Variants in TSC22D2 observed in about 807,000 individuals in gnomAD.
The protein encoded by TSC22D2 is TSC22 domain family member 2, also known as TSC22 domain family protein 2.
In TSC22D2, 5 loss-of-function variants were observed where a neutral mutation model predicts 50.1. The observed-to-expected ratio is 0.10, with a 90% CI of 0.05 to 0.21. The LOEUF (loss-of-function observed/expected upper bound fraction) is 0.21, where lower values mean the gene tolerates loss of function less well. Ranked by LOEUF, TSC22D2 falls within the 10% of genes least tolerant of loss-of-function variation. TSC22D2 has a pLI of 1.00. For missense variants in TSC22D2, 1,003 were observed against 1,015.5 expected (o/e 0.99, Z 0.17); for synonymous variants, 501 against 450.1 (o/e 1.11, Z -1.43).
In TSC22D2 at chr3:150,410,852, C is replaced by G. The variant is rs1419497261; in HGVS notation, c.1502C>G (p.Ala501Gly). Reference sequence around the variant, plus strand: ...TCAGCCGTACCTGGTGGCCCTCACGCCGTGGTGCCCGGAGTTCCAAACGTG... The same window carrying G: ...TCAGCCGTACCTGGTGGCCCTCACGGCGTGGTGCCCGGAGTTCCAAACGTG... The part of the protein sequence containing the change: ...PLSAVPGGPH[A>G]VVPGVPNVPA... The change falls in exon 1 of 3, where the codon GCC becomes GGC. Residue 501 changes from alanine to glycine, a missense_variant. Ala to Gly is a moderately conservative substitution (Grantham distance 60, BLOSUM62 0). Transcript: ENST00000688009. 1.2e-6 allele frequency: 2 copies of G among 1,613,760 alleles called. No homozygotes were observed. The highest frequency in any genetic ancestry group is 2.7e-5 in the African/African-American group (2 of 74,918).
chr3:150,453,139 A>G (rs1317106868), intron 1 of TSC22D2, among the ~76,000 whole-genome samples: 1 of 152,192 alleles, frequency 6.6e-6, no homozygotes, highest in African/African-American at 2.4e-5. Context: ...GGGTATATAT[A>G]CTTTGTGCTG....
chr3:150,436,367 A>G lies in TSC22D2; in HGVS notation c.1959-20709A>G, dbSNP rs563388515. ...TGGCAGGCCCTTTAACAAAGGGTCA[A>G]GCAGTCGGCCCTTTAACAAAAGGTC... On this transcript the variant is annotated intron_variant, in intron 1 of 2. Coordinates refer to ENST00000688009, the MANE Select transcript of TSC22D2 (RefSeq NM_001303264.2). 4.9e-4 allele frequency among the ~76,000 whole-genome samples: 75 copies of G among 152,058 alleles called. 1 individual carries two copies. Among genetic ancestry groups the G allele is most frequent in the Non-Finnish European group, 2.4e-4 (16 of 67,998 alleles).
intron 1 of TSC22D2, among the ~76,000 whole-genome samples, chr3:150,415,347 A>C (rs74401720): frequency 6.6e-6 from 1 of 152,206 alleles, no homozygotes; most frequent in Non-Finnish European, 1.5e-5. Flanking sequence ...ATGTGTGTGA[A>C]TAATACAGAT....
In TSC22D2 at chr3:150,409,468, C is replaced by T. The variant is rs901840035; in HGVS notation, c.118C>T (p.Arg40Cys). The change falls in exon 1 of 3, where the codon CGC (arginine) becomes TGC (cysteine). Residue 40 changes from arginine (R) to cysteine (C), a missense_variant. Arg to Cys is a radical substitution (Grantham distance 180). Transcript: ENST00000688009. This position sits in a 1 kb window ranked among gnomAD's most constrained non-coding sequence, Gnocchi z 7.4. ...TESLDDPDES[R>C]TEDVSSEIFD... ...GAGCTTGGACGACCCGGACGAGTCA[C>T]GCACAGAGGACGTCTCCTCCGAGAT... 5 of 1,613,480 alleles carry T rather than the reference C, an allele frequency of 3.1e-6. No homozygotes were observed. The highest frequency in any genetic ancestry group is 4.2e-6 in the Non-Finnish European group (5 of 1,179,884).
chr3:150,455,647 A>G (rs6767155), intron 1 of TSC22D2, among the ~76,000 whole-genome samples: 16,871 of 152,146 alleles, frequency 0.11, 940 homozygotes, highest in Middle Eastern at 0.15. Context: ...TCCCATAGGA[A>G]GTGAATAGCA....
At chr3:150,455,361 A>C (rs1280204541) in intron 1 of TSC22D2, among the ~76,000 whole-genome samples, 1 of 152,246 alleles carries the variant, frequency 6.6e-6, no homozygotes, top group East Asian at 1.9e-4. Flanking sequence ...AAAGCCCAGC[A>C]CATATAAAGT....
rs890917907 is a variant in TSC22D2 at position 150,426,981 on chromosome 3, A to AT, written c.1958+15682dup. On this transcript the variant is annotated intron_variant, in intron 1 of 2. Coordinates refer to ENST00000688009, the MANE Select transcript of TSC22D2 (RefSeq NM_001303264.2). ...ATTTCCTATCATTGTTTCCTATGAG[A>AT]TTTTTTTTTGAAGCTAGGAATAAAT... Among the ~76,000 whole-genome samples, 86 of 151,266 alleles carry AT rather than the reference A, an allele frequency of 5.7e-4. No homozygotes were observed. The East Asian group carries it at 0.01, about 18-fold the overall frequency.
At chr3:150,411,333 T>A in intron 1 of TSC22D2, 25 bp downstream of exon 1, 1 of 1,567,226 alleles carries the variant, frequency 6.4e-7, no homozygotes, top group Non-Finnish European at 8.7e-7. Context: ...ATTTTAAATA[T>A]TTGATAGAAA....
At chr3:150,418,263 C>T (rs1719890108) in intron 1 of TSC22D2, among the ~76,000 whole-genome samples, 1 of 151,782 alleles carries the variant, frequency 6.6e-6, no homozygotes, top group Admixed American at 6.6e-5. Context: ...CAGGCATTTT[C>T]ATCATCATGA....
At chr3:150,448,918 G>A (rs985261560) in intron 1 of TSC22D2, among the ~76,000 whole-genome samples, 5 of 151,092 alleles carry the variant, frequency 3.3e-5, no homozygotes, top group African/African-American at 1.2e-4. Context: ...AATTTTTAAT[G>A]TAACATTTTT....
At chr3:150,458,277 G>A in intron 2 of TSC22D2, 99 bp from the exon 3 acceptor site, 2 of 1,260,332 alleles carry the variant, frequency 1.6e-6, no homozygotes, top group South Asian at 3.0e-5. Context: ...GCAAGAGCAG[G>A]AAAACTAGTA....
chr3:150,410,704 T>A lies in TSC22D2; in HGVS notation c.1354T>A (p.Cys452Ser). 1 of 1,576,728 alleles carries A rather than the reference T, an allele frequency of 6.3e-7. No homozygotes were observed. Among genetic ancestry groups the A allele is most frequent in the Non-Finnish European group, 8.6e-7 (1 of 1,162,644 alleles). Residue 452 changes from cysteine (C) to serine (S), a missense_variant, in exon 1 of 3, where the codon TGT becomes AGT. Physicochemically the swap from Cys to Ser is moderately radical, Grantham distance 112 (BLOSUM62 -1). Around this residue, in one of 6 missense-constraint regions of TSC22D2, gnomAD observed 696 missense variants for 647.8 expected, o/e 1.07. Coordinates refer to ENST00000688009, the MANE Select transcript of TSC22D2 (RefSeq NM_001303264.2). ...GPAQGGQVAP[C>S]QPTGVPPATV... Reference sequence around the variant, plus strand: ...AGCGCAAGGCGGGCAGGTCGCGCCTTGTCAGCCGACTGGAGTGCCCCCGGC... The same window carrying A: ...AGCGCAAGGCGGGCAGGTCGCGCCTAGTCAGCCGACTGGAGTGCCCCCGGC...
At chr3:150,425,408 C>T (rs1720147672) in intron 1 of TSC22D2, among the ~76,000 whole-genome samples, 1 of 152,052 alleles carries the variant, frequency 6.6e-6, no homozygotes, top group Non-Finnish European at 1.5e-5. Flanking sequence ...GCCAGCTACT[C>T]GGGAGGCCAA....
rs916050354 is a variant in TSC22D2, at chr3:150,410,139, G to A, written c.789G>A (p.Pro263=). Reference sequence around the variant, plus strand: ...CGGAGAAAATGAGCCAGCCCACTCCGGCCCAGCCGCAGAGTTTTAGCGTTG... The same window carrying A: ...CGGAGAAAATGAGCCAGCCCACTCCAGCCCAGCCGCAGAGTTTTAGCGTTG... ...PPSEKMSQPT[P]AQPQSFSVGQ... The change falls in exon 1 of 3, where the codon CCG becomes CCA. Residue 263 remains proline, a synonymous_variant. Transcript: ENST00000688009. The A allele has an allele frequency of 6.2e-7, 1 of 1,612,032 alleles. No individual in the cohort carries two copies. Among genetic ancestry groups the A allele is most frequent in the Non-Finnish European group, 8.5e-7 (1 of 1,179,746 alleles).
chr3:150,433,761 A>G (rs900045321), intron 1 of TSC22D2, among the ~76,000 whole-genome samples: 1 of 152,232 alleles, frequency 6.6e-6, no homozygotes, highest in Admixed American at 6.5e-5. Flanking sequence ...AAAAAGCATA[A>G]TATATTATGG....
intron 1 of TSC22D2, among the ~76,000 whole-genome samples, chr3:150,440,925 G>A (rs1472504957): frequency 6.6e-6 from 1 of 151,850 alleles, no homozygotes; most frequent in Non-Finnish European, 1.5e-5. Flanking sequence ...CCTGAGTGAT[G>A]TTGAAATAGT....
intron 1 of TSC22D2, chr3:150,422,973 T>G (rs1307859402): frequency 9.3e-7 from 1 of 1,074,814 alleles, no homozygotes; most frequent in Non-Finnish European, 1.4e-6. Flanking sequence ...TCTAAAATCT[T>G]CCATCTTCTT....
chr3:150,430,055 A>C (rs555444404), intron 1 of TSC22D2, among the ~76,000 whole-genome samples: 1 of 152,296 alleles, frequency 6.6e-6, no homozygotes, highest in African/African-American at 2.4e-5. Context: ...CTTAATATGG[A>C]AAATGGTAAA....
Position 150,411,184 on chromosome 3 carries a change from A to G in TSC22D2, c.1834A>G (p.Asn612Asp). ...PQPPLSLIAE[N>D]KPVVKPPVAD... ...ACCACCACTTTCTCTCATTGCTGAA[A>G]ATAAGCCTGTTGTGAAGCCGCCTGT... The change falls in exon 1 of 3, where the codon AAT (asparagine) becomes GAT (aspartate). Residue 612 changes from asparagine to aspartate, a missense_variant. Around this residue, in one of 6 missense-constraint regions of TSC22D2, gnomAD observed 696 missense variants for 647.8 expected, o/e 1.07. Transcript: ENST00000688009. 3 of 1,614,200 alleles carry G rather than the reference A, an allele frequency of 1.9e-6. No homozygotes were observed. The highest frequency in any genetic ancestry group is 1.6e-4 in the Middle Eastern group (1 of 6,062).
Sources: gnomAD v4.1 joint callset for allele counts (sites outside exome capture counted in the v4.1 genomes callset) on GRCh38, gnomAD v4.1.1 for gene constraint, gnomAD v4.1.1 regional missense constraint, Gnocchi (gnomAD v3.1) non-coding constraint, MANE v1.5 for transcripts, NCBI Gene and HGNC (gene_info 2026-07-23, HGNC 2026-07-21) for gene names.